The following KRT27 variants were observed in gnomAD, a reference collection of about 807,000 sequenced individuals.
KRT27 encodes the protein keratin, type I cytoskeletal 27.
Under a neutral mutation model 45.3 loss-of-function variants are expected in KRT27, and 30 were observed. The ratio of observed to expected loss-of-function variants is 0.66; its 90% CI spans 0.50 to 0.90. The LOEUF (loss-of-function observed/expected upper bound fraction) is 0.90. KRT27 is among the 40% of genes least tolerant of loss of function. The pLI, the probability that KRT27 is intolerant of heterozygous loss-of-function variation, is 0.00. For missense variants in KRT27, 610 were observed against 564.3 expected (o/e 1.08, Z -0.82); for synonymous variants, 204 against 223.9 (o/e 0.91, Z 0.79).
At chr17:40,778,023 A>C (rs1033583767) in intron 5 of KRT27, 3 of 399,548 alleles carry the variant, frequency 7.5e-6, no homozygotes, top group South Asian at 2.9e-5. Context: ...CCCCTGCACC[A>C]ATATAGCCTG....
At chr17:40,777,784 T>C (rs539139406) in intron 5 of KRT27, 52 bp from the exon 6 acceptor site, 2 of 1,554,026 alleles carry the variant, frequency 1.3e-6, no homozygotes, top group Admixed American at 3.4e-5. Flanking sequence ...TGTTTTAGAA[T>C]AAGCCAAAGC....
intron 3 of KRT27, 34 bp downstream of exon 3, chr17:40,780,266 G>A (rs187951128): frequency 6.4e-7 from 1 of 1,561,066 alleles, no homozygotes. Flanking sequence ...TGGTAGGGAG[G>A]CGATTGTGAG....
At chr17:40,779,430 T>C (rs1003066252) in intron 5 of KRT27, 72 bp downstream of exon 5, 1 of 1,533,168 alleles carries the variant, frequency 6.5e-7, no homozygotes, top group African/African-American at 1.4e-5. Flanking sequence ...GTAATTATGT[T>C]GGAAGAAAAT....
rs1324817614 is a variant in KRT27, at chr17:40,780,410, T to C, written c.574A>G (p.Asn192Asp). The change falls in exon 3 of 8, where the codon AAT (asparagine) becomes GAT (aspartate). Residue 192 changes from asparagine (N) to aspartate (D), a missense_variant. Coordinates refer to ENST00000301656, the MANE Select transcript of KRT27 (RefSeq NM_181537.4). ...TCATCCAGGACTCTTCGCAAACCAT[T>C]GATGTCCGCCTCCACGCTCTGGTGA... is the stretch of plus-strand genomic sequence containing the variant. ...ALHQSVEADINGLRRVLDELT... is the reference protein window; with the variant it reads ...ALHQSVEADIDGLRRVLDELT... 1 of 1,613,748 alleles carries C rather than the reference T, an allele frequency of 6.2e-7. No individual in the cohort carries two copies. Among genetic ancestry groups the C allele is most frequent in the Non-Finnish European group, 8.5e-7 (1 of 1,179,944 alleles).
chr17:40,781,916 A>C (rs1354453650), intron 1 of KRT27, 134 bp downstream of exon 1: 1 of 655,140 alleles, frequency 1.5e-6, no homozygotes, highest in African/African-American at 1.8e-5. Context: ...ATTATTTTTA[A>C]TATTGAAAAT....
In KRT27 at chr17:40,782,209, C is replaced by A. The variant is rs942564122; in HGVS notation, c.285G>T (p.Leu95Phe). 6.2e-7 allele frequency: 1 copy of A among 1,614,064 alleles called. No individual in the cohort carries two copies. Among genetic ancestry groups the A allele is most frequent in the African/African-American group, 1.3e-5 (1 of 74,932 alleles). ...KVTMQNLNDR[L>F]ASYLENVRAL... is the part of the protein sequence containing the mutation. ...CTCGAACATTCTCCAGGTAGGAGGC[C>A]AAGCGGTCGTTGAGGTTCTGCATGG... The change falls in exon 1 of 8, where the codon TTG becomes TTT. Residue 95 changes from leucine (L) to phenylalanine (F), a missense_variant. By Grantham distance (22) the Leu-to-Phe change is conservative. Transcript: ENST00000301656.
chr17:40,779,911 G>T, intron 3 of KRT27, 50 bp from the exon 4 acceptor site: 1 of 1,560,338 alleles, frequency 6.4e-7, no homozygotes, highest in South Asian at 1.2e-5. Context: ...TTTATTTATT[G>T]CACTTTTTGA....
At chr17:40,777,434 C>G in intron 6 of KRT27, 81 bp downstream of exon 6, 1 of 1,552,868 alleles carries the variant, frequency 6.4e-7, no homozygotes, top group South Asian at 1.1e-5. Context: ...TGATCTAGAT[C>G]ATAGATATTT....
Position 40,782,519 on chromosome 17 carries a change from T to G in KRT27, c.-26A>C. ...GGTGTCCGGAGGCTGGAGCCTTTGT[T>G]TCTGCGGTGATGCTCTGATGGTGAA... On this transcript the variant is annotated 5_prime_UTR_variant, in exon 1 of 8. Transcript: ENST00000301656. The G allele has an allele frequency of 6.7e-7, 1 of 1,501,820 alleles. No homozygotes were observed. The highest frequency in any genetic ancestry group is 8.9e-7 in the Non-Finnish European group (1 of 1,122,422). The allele number at this position is 1,501,820 out of a possible 1,614,324, so 93.0% of individuals were successfully genotyped here. A position where few individuals can be genotyped will look rare whatever the true frequency, so the allele number is the denominator to read the frequency against.
rs371450680 is a variant in KRT27, at chr17:40,780,476, G to C, written c.528-20C>G. The C allele has an allele frequency of 6.2e-7, 1 of 1,609,046 alleles. No individual in the cohort carries two copies. The highest frequency in any genetic ancestry group is 1.1e-5 in the South Asian group (1 of 90,282). On this transcript the variant is annotated intron_variant, in intron 2 of 7. Transcript: ENST00000301656. ...TCAAACCTTAGAAAAGTATTTGGAAGTTTCATCATTAGTCATTAGACATGG... is the reference window on the plus strand; with the variant it reads ...TCAAACCTTAGAAAAGTATTTGGAACTTTCATCATTAGTCATTAGACATGG...
rs776654510 is a variant in KRT27 at position 40,779,576 on chromosome 17, C to T, written c.898G>A (p.Ala300Thr). Residue 300 changes from alanine to threonine, a missense_variant, in exon 5 of 8, where the codon GCC becomes ACC. By Grantham distance (58) the Ala-to-Thr change is moderately conservative (BLOSUM62 0). Transcript: ENST00000301656. ...TTCATCTCGATAAGCTCATTCCGGGCTGAGGTGGTGGCGCCAGCGTCGTCA... is the reference window on the plus strand; with the variant it reads ...TTCATCTCGATAAGCTCATTCCGGGTTGAGGTGGTGGCGCCAGCGTCGTCA... ...ISDDAGATTS[A>T]RNELIEMKRT... The T allele has an allele frequency of 6.2e-7, 1 of 1,614,084 alleles. No individual in the cohort carries two copies. Among genetic ancestry groups the T allele is most frequent in the Non-Finnish European group, 8.5e-7 (1 of 1,180,000 alleles).
intron 2 of KRT27, among the ~76,000 whole-genome samples, chr17:40,780,716 G>C (rs1948543485): frequency 6.6e-6 from 1 of 152,176 alleles, no homozygotes; most frequent in Non-Finnish European, 1.5e-5. Context: ...GGGCGCAGTG[G>C]TGGGCGCCTG....
At position 40,777,085 on chromosome 17, in the gene KRT27, C is replaced by T. The variant is rs780796643; in HGVS notation, c.1294G>A (p.Gly432Ser). 2 of 1,614,000 alleles carry T rather than the reference C, an allele frequency of 1.2e-6. No homozygotes were observed. The highest frequency in any genetic ancestry group is 2.2e-5 in the South Asian group (2 of 91,068). ...KTVVEEIDPRGKVLSSRVHTV... is the reference protein window; with the variant it reads ...KTVVEEIDPRSKVLSSRVHTV... ...TGAACTCTGGATGAGAGAACTTTGC[C>T]ACGAGGATCTATCTCTTCAACAACT... is the stretch of plus-strand genomic sequence containing the variant. The change falls in exon 8 of 8, where the codon GGC (glycine) becomes AGC (serine). Residue 432 changes from glycine (G) to serine (S), a missense_variant. Transcript: ENST00000301656.
chr17:40,780,665 G>T (rs549727603), intron 2 of KRT27, among the ~76,000 whole-genome samples: 34 of 151,890 alleles, frequency 2.2e-4, no homozygotes, highest in Non-Finnish European at 4.1e-4. Context: ...TCGAGATCAC[G>T]GTGAAACCCC....
At position 40,777,064 on chromosome 17, in the gene KRT27, C is replaced by T. The variant is rs751275379; in HGVS notation, c.1315G>A (p.Val439Ile). 4.3e-6 allele frequency: 7 copies of T among 1,614,036 alleles called. No individual in the cohort carries two copies. The South Asian group carries it at 7.7e-5, about 18-fold the overall frequency. ...DPRGKVLSSRVHTVEEKSTKV... is the reference protein window; with the variant it reads ...DPRGKVLSSRIHTVEEKSTKV... ...GTGGATTTCTCTTCCACAGTGTGAACTCTGGATGAGAGAACTTTGCCACGA... is the reference window on the plus strand; with the variant it reads ...GTGGATTTCTCTTCCACAGTGTGAATTCTGGATGAGAGAACTTTGCCACGA... Residue 439 changes from valine (V) to isoleucine (I), a missense_variant, in exon 8 of 8, where the codon GTT becomes ATT. Physicochemically the swap from Val to Ile is conservative, Grantham distance 29 (BLOSUM62 3). Coordinates refer to ENST00000301656, the MANE Select transcript of KRT27 (RefSeq NM_181537.4).
chr17:40,780,684 TA>T (rs1198997294), intron 2 of KRT27, among the ~76,000 whole-genome samples: 3 of 151,282 alleles, frequency 2.0e-5, no homozygotes, highest in Non-Finnish European at 4.4e-5. Flanking sequence ...CCGTCTCTAT[TA>T]AAAAATACAA....
chr17:40,777,683 G>A lies in KRT27; in HGVS notation c.1022C>T (p.Ala341Val). The A allele has an allele frequency of 4.3e-6, 7 of 1,614,128 alleles. No individual in the cohort carries two copies. The highest frequency in any genetic ancestry group is 5.9e-6 in the Non-Finnish European group (7 of 1,180,032). Residue 341 changes from alanine (A) to valine (V), a missense_variant, in exon 6 of 8, where the codon GCA (alanine) becomes GTA (valine). By Grantham distance (64) the Ala-to-Val change is moderately conservative. Transcript: ENST00000301656. The part of the protein sequence containing the change: ...SLTETESNYC[A>V]QLAQIQAQIG... ...CTGAGCCTGGATCTGTGCCAGCTGT[G>A]CACAGTAGTTACTCTCGGTCTCTGT...
intron 1 of KRT27, among the ~76,000 whole-genome samples, chr17:40,781,514 C>T (rs2038311204): frequency 6.6e-6 from 1 of 152,214 alleles, no homozygotes. Flanking sequence ...ACTGCAACCT[C>T]CACCTCCCAG....
In KRT27 at chr17:40,782,340, T is replaced by G. The variant is rs749400851; in HGVS notation, c.154A>C (p.Ser52Arg). ...CCGCCATAGCCTCCTGCAGATGAGC[T>G]GCCCCCAAAAGCACAAGAGAAGCCA... Reference protein sequence around the residue: ...GSGFSCAFGGSSSAGGYGGGL... With the variant: ...GSGFSCAFGGRSSAGGYGGGL... Residue 52 changes from serine to arginine, a missense_variant, in exon 1 of 8, where the codon AGC becomes CGC. Ser to Arg is a moderately radical substitution (Grantham distance 110). Transcript: ENST00000301656. The G allele has an allele frequency of 1.9e-6, 3 of 1,614,102 alleles. No homozygotes were observed. The South Asian group carries it at 3.3e-5, about 18-fold the overall frequency.
Sources: allele counts gnomAD v4.1 joint callset (sites outside exome capture counted in the v4.1 genomes callset), GRCh38; gene constraint gnomAD v4.1.1; transcripts MANE v1.5; gene names NCBI Gene and HGNC (gene_info 2026-07-23, HGNC 2026-07-21).